PPM1L: variants seen among roughly 807,000 people sequenced by gnomAD.
PPM1L encodes the protein protein phosphatase 1L.
Under a neutral mutation model 31.4 loss-of-function variants are expected in PPM1L, and 13 were observed. The observed-to-expected ratio is 0.41, with a 90% confidence interval of 0.27 to 0.66. The LOEUF (loss-of-function observed/expected upper bound fraction) is 0.66, where lower values mean the gene tolerates loss of function less well. Ranked by LOEUF, PPM1L falls within the 30% of genes least tolerant of loss-of-function variation. The pLI is 0.29. For synonymous variants in PPM1L, 184 were observed against 175.4 expected (o/e 1.05, Z -0.39); for missense variants, 326 against 453.7 (o/e 0.72, Z 2.56).
chr3:160,868,609 C>T (rs1305349065), intron 1 of PPM1L, among the ~76,000 whole-genome samples: 1 of 152,044 alleles, frequency 6.6e-6, no homozygotes, highest in Admixed American at 6.6e-5. Context: ...CATGTTTCCA[C>T]CTAAAACCTA....
chr3:160,843,130 C>T (rs1282880769), intron 1 of PPM1L, among the ~76,000 whole-genome samples: 3 of 151,666 alleles, frequency 2.0e-5, no homozygotes, highest in Non-Finnish European at 4.4e-5. Flanking sequence ...TCCTCCTATC[C>T]TGTATCTCAC....
intron 1 of PPM1L, among the ~76,000 whole-genome samples, chr3:160,781,336 A>G (rs1038480418): frequency 4.6e-5 from 7 of 152,202 alleles, no homozygotes; most frequent in African/African-American, 1.7e-4. Context: ...TCTGCTGGAA[A>G]GGGATTTCAG....
chr3:160,921,404 T>A (rs1413423006), intron 1 of PPM1L, among the ~76,000 whole-genome samples: 5 of 152,232 alleles, frequency 3.3e-5, no homozygotes, highest in African/African-American at 1.2e-4. Flanking sequence ...GACATTTACT[T>A]TTTAAAAACT....
rs997156969 is a variant in PPM1L at position 160,917,382 on chromosome 3, A to T, written c.400-44354A>T. ...GTGACAGGTCAGTGAAAGTGTTTCA[A>T]CTTTTAGAAATTGTTGACTTTCCAG... On this transcript the variant is annotated intron_variant, in intron 1 of 3. Coordinates refer to ENST00000498165, the MANE Select transcript of PPM1L (RefSeq NM_139245.4). Among the ~76,000 whole-genome samples the T allele has an allele frequency of 1.1e-3, 160 of 152,346 alleles. 2 individuals are homozygous for T. Among genetic ancestry groups the T allele is most frequent in the African/African-American group, 3.8e-3 (159 of 41,566 alleles).
intron 1 of PPM1L, among the ~76,000 whole-genome samples, chr3:160,819,618 A>T (rs1164582883): frequency 6.6e-6 from 1 of 152,022 alleles, no homozygotes; most frequent in Admixed American, 6.6e-5. Context: ...GCAATGAAAA[A>T]ATTCTTGCCC....
intron 1 of PPM1L, among the ~76,000 whole-genome samples, chr3:160,957,790 A>T (rs1426236424): frequency 6.6e-6 from 1 of 151,704 alleles, no homozygotes; most frequent in African/African-American, 2.4e-5. Context: ...GTTAGCCAGG[A>T]TGGTCTTGAT....
intron 1 of PPM1L, among the ~76,000 whole-genome samples, chr3:160,770,541 C>A (rs2108060499): frequency 6.6e-6 from 1 of 152,264 alleles, no homozygotes; most frequent in African/African-American, 2.4e-5. Context: ...ATGGTAAAAA[C>A]CAGCATGCAT....
intron 1 of PPM1L, among the ~76,000 whole-genome samples, chr3:160,764,762 C>T (rs536303759): frequency 1.3e-5 from 2 of 152,272 alleles, no homozygotes; most frequent in African/African-American, 4.8e-5. Context: ...GCCACCACGC[C>T]TGGCCTATTT....
chr3:161,019,970 C>CA (rs1462127183), intron 2 of PPM1L, among the ~76,000 whole-genome samples: 2 of 151,842 alleles, frequency 1.3e-5, no homozygotes, highest in Non-Finnish European at 2.9e-5. Flanking sequence ...ACTAAAAATA[C>CA]AAAAAATTAC....
At chr3:160,995,574 A>G (rs530985186) in intron 2 of PPM1L, among the ~76,000 whole-genome samples, 1 of 151,648 alleles carries the variant, frequency 6.6e-6, no homozygotes, top group Non-Finnish European at 1.5e-5. Context: ...ACCTGCCTCA[A>G]CCTCCCCAAG....
At chr3:160,855,707 A>T (rs909699912) in intron 1 of PPM1L, among the ~76,000 whole-genome samples, 3 of 152,180 alleles carry the variant, frequency 2.0e-5, no homozygotes, top group Non-Finnish European at 4.4e-5. Flanking sequence ...AAAGTCAAAA[A>T]ACAACAGATG....
chr3:161,065,930 G>A (rs1238341051), intron 3 of PPM1L, among the ~76,000 whole-genome samples: 1 of 152,214 alleles, frequency 6.6e-6, no homozygotes, highest in Non-Finnish European at 1.5e-5. Context: ...GCCTTTGCAA[G>A]TGCTGTTCTG....
At chr3:160,971,065 A>C (rs890925804) in intron 2 of PPM1L, among the ~76,000 whole-genome samples, 3 of 152,148 alleles carry the variant, frequency 2.0e-5, no homozygotes, top group Admixed American at 6.5e-5. Context: ...TCTTTTGGTG[A>C]TGGGGAGCAG....
chr3:160,869,282 A>G (rs1712212657), intron 1 of PPM1L, among the ~76,000 whole-genome samples: 1 of 152,204 alleles, frequency 6.6e-6, no homozygotes, highest in Admixed American at 6.5e-5. Context: ...GCGTAGAGGT[A>G]GGACTATATG....
In PPM1L at chr3:160,854,619, T is replaced by C. The variant is rs994092328; in HGVS notation, c.399+97912T>C. Among the ~76,000 whole-genome samples, 18 of 151,206 alleles carry C rather than the reference T, an allele frequency of 1.2e-4. No individual in the cohort carries two copies. In the East Asian group the frequency reaches 1.6e-3, roughly 13 times the overall value. The stretch of plus-strand genomic sequence containing the variant: ...AGAGACACATACACACACACACACA[T>C]ACACACACATACACCCCTAGGAATA... On this transcript the variant is annotated intron_variant, in intron 1 of 3. Coordinates refer to ENST00000498165, the MANE Select transcript of PPM1L (RefSeq NM_139245.4).
chr3:160,829,944 C>G (rs1037627767), intron 1 of PPM1L, among the ~76,000 whole-genome samples: 1 of 152,148 alleles, frequency 6.6e-6, no homozygotes, highest in Non-Finnish European at 1.5e-5. Context: ...CCTCAACTTG[C>G]AAAGGTACAG....
At chr3:161,046,345 T>A (rs968044336) in intron 2 of PPM1L, among the ~76,000 whole-genome samples, 5 of 150,984 alleles carry the variant, frequency 3.3e-5, no homozygotes, top group African/African-American at 9.8e-5. Flanking sequence ...CTAGAAAAAA[T>A]TGATAAATTC....
intron 1 of PPM1L, among the ~76,000 whole-genome samples, chr3:160,817,168 T>C (rs981712013): frequency 4.6e-5 from 7 of 152,038 alleles, no homozygotes; most frequent in African/African-American, 1.7e-4. Context: ...TGCTTTCAGT[T>C]TGTAAAGTGT....
chr3:161,025,590 AAAAAG>A (rs1475540566), intron 2 of PPM1L, among the ~76,000 whole-genome samples: 3 of 94,456 alleles, frequency 3.2e-5, no homozygotes, highest in Non-Finnish European at 5.8e-5. Context: ...AAAAAAAAAA[AAAAAG>A]AGTCTCATGC....
Sources: allele counts gnomAD v4.1 joint callset (sites outside exome capture counted in the v4.1 genomes callset), GRCh38; gene constraint gnomAD v4.1.1; transcripts MANE v1.5; gene names NCBI Gene and HGNC (gene_info 2026-07-23, HGNC 2026-07-21).